Variants in SKP1 observed in about 807,000 individuals in gnomAD.
SKP1 encodes S-phase kinase-associated protein 1.
In SKP1, 1 loss-of-function variant was observed where a neutral mutation model predicts 21.5. The ratio of observed to expected loss-of-function variants is 0.05; its 90% confidence interval spans 0.02 to 0.22. SKP1 has a LOEUF of 0.22. Among genes scored for constraint, SKP1 ranks in the 10% least tolerant of loss-of-function variants. The pLI, the probability that SKP1 is intolerant of heterozygous loss-of-function variation, is 1.00. For missense variants in SKP1, 70 were observed against 192.0 expected (o/e 0.36, Z 3.76); for synonymous variants, 59 against 59.3 (o/e 0.99, Z 0.03).
In SKP1 at chr5:134,150,794, G is replaced by A. The variant is rs983748679; in HGVS notation, c.*6939C>T. 1 of 152,100 alleles carries A rather than the reference G, an allele frequency of 6.6e-6. No individual in the cohort carries two copies. Among genetic ancestry groups the A allele is most frequent in the Non-Finnish European group, 1.5e-5 (1 of 68,026 alleles). The allele number at this position is 152,100 out of a possible 1,614,324, so 9.4% of individuals were successfully genotyped here. ...GGGCATCTTTCAAATTCTGACTCCT[G>A]AGCTCTTCTCTAATAGTTTGGAGCT... On this transcript the variant is annotated 3_prime_UTR_variant, in exon 6 of 6. Transcript: ENST00000353411.
At chr5:134,172,807 T>TC (rs1156939147) in intron 2 of SKP1, among the ~76,000 whole-genome samples, 1 of 151,422 alleles carries the variant, frequency 6.6e-6, no homozygotes, top group Non-Finnish European at 1.5e-5. Flanking sequence ...GGTCAGAAGA[T>TC]CGAGACCAGC....
intron 2 of SKP1, among the ~76,000 whole-genome samples, chr5:134,168,791 A>G (rs1309431981): frequency 6.6e-6 from 1 of 152,106 alleles, no homozygotes; most frequent in Non-Finnish European, 1.5e-5. Flanking sequence ...GTTGCCACCA[A>G]TTGGTAAGGG....
rs116784199 is a variant in SKP1, at chr5:134,157,556, C to T, written c.*177G>A. On this transcript the variant is annotated 3_prime_UTR_variant, in exon 6 of 6. Transcript: ENST00000353411. ...TCCATCATACTAGAAGAAACTTGGC[C>T]GTAAGGTTTGGGATCTGTGCTCAAA... 1.8e-3 allele frequency: 1,089 copies of T among 600,718 alleles called. 12 individuals carry two copies. Among genetic ancestry groups the T allele is most frequent in the African/African-American group, 0.018 (952 of 53,752 alleles). 37.2% of individuals were successfully genotyped at this position (600,718 alleles called of 1,614,324 possible).
chr5:134,168,871 T>G (rs1761385181), intron 2 of SKP1, among the ~76,000 whole-genome samples: 1 of 152,014 alleles, frequency 6.6e-6, no homozygotes, highest in Non-Finnish European at 1.5e-5. Context: ...TGTAAAATAC[T>G]AGATATCCAA....
chr5:134,173,717 T>C (rs895660681), intron 2 of SKP1: 22 of 655,926 alleles, frequency 3.4e-5, no homozygotes, highest in Non-Finnish European at 5.7e-5. Context: ...ATTTTATCCA[T>C]TTAATGAGAG....
rs1437280084 is a variant in SKP1 at position 134,151,955 on chromosome 5, G to C, written c.*5778C>G. The C allele has an allele frequency of 7.3e-6, 2 of 274,296 alleles. No homozygotes were observed. The highest frequency in any genetic ancestry group is 1.5e-5 in the Non-Finnish European group (2 of 133,380). The allele number at this position is 274,296 out of a possible 1,614,324, so 17.0% of individuals were successfully genotyped here. A position where few individuals can be genotyped will look rare whatever the true frequency, so the allele number is the denominator to read the frequency against. ...GCCTCAGCAGAAAGGATAACATTCA[G>C]CCAATCCTGCTTAGGTGTCCAAATG... On this transcript the variant is annotated 3_prime_UTR_variant, in exon 6 of 6. Coordinates refer to ENST00000353411, the MANE Select transcript of SKP1 (RefSeq NM_170679.3).
intron 3 of SKP1, chr5:134,161,363 C>T (rs1761215356): frequency 2.8e-6 from 1 of 361,980 alleles, no homozygotes; most frequent in Non-Finnish European, 4.9e-6. Context: ...TACTTGACTA[C>T]ATTAAAAAGC....
chr5:134,166,545 C>CCCT (rs937571576), intron 3 of SKP1, among the ~76,000 whole-genome samples: 1 of 145,512 alleles, frequency 6.9e-6, no homozygotes, highest in Non-Finnish European at 1.5e-5. Context: ...CATACCACTA[C>CCCT]CCTCCAACCT....
chr5:134,161,211 T>C (rs1449939650), intron 3 of SKP1, 81 bp from the exon 4 acceptor site: 5 of 1,257,532 alleles, frequency 4.0e-6, no homozygotes, highest in Middle Eastern at 2.1e-4. Context: ...TATCCCTATA[T>C]TGGAATAATA....
At chr5:134,159,219 C>T (rs1471662378) in intron 4 of SKP1, among the ~76,000 whole-genome samples, 1 of 152,156 alleles carries the variant, frequency 6.6e-6, no homozygotes, top group African/African-American at 2.4e-5. Context: ...GTTTTACTTC[C>T]ACTCAGCTCA....
chr5:134,171,246 G>C (rs1761435068), intron 2 of SKP1, among the ~76,000 whole-genome samples: 1 of 152,186 alleles, frequency 6.6e-6, no homozygotes, highest in South Asian at 2.1e-4. Flanking sequence ...CTAAGTATCT[G>C]CTGCTAGAAG....
At chr5:134,166,737 G>C (rs570156008) in intron 3 of SKP1, among the ~76,000 whole-genome samples, 1 of 152,236 alleles carries the variant, frequency 6.6e-6, no homozygotes, top group South Asian at 2.1e-4. Flanking sequence ...ATATTCCTTT[G>C]ACTTTAGCCG....
At position 134,155,011 on chromosome 5, in the gene SKP1, T is replaced by G. The variant is rs1761101057; in HGVS notation, c.*2722A>C. ...GTTACTTATACTGAAATTCATGGAG[T>G]AGTGCTGCTAAATACAAGTTAAATC... is the stretch of plus-strand genomic sequence containing the variant. On this transcript the variant is annotated 3_prime_UTR_variant, in exon 6 of 6. Transcript: ENST00000353411. The G allele has an allele frequency of 1.3e-5, 2 of 152,186 alleles. No homozygotes were observed. The highest frequency in any genetic ancestry group is 1.3e-4 in the Admixed American group (2 of 15,276). 9.4% of individuals were successfully genotyped at this position (152,186 alleles called of 1,614,324 possible).
rs773587296 is a variant in SKP1 at position 134,174,351 on chromosome 5, C to CAG, written c.1-330_1-329insCT. ...TCGTCTCCCACTGAATACTGGACTCCATCTGAACAGTTAACTGCCACAATT... is the reference window on the plus strand; with the variant it reads ...TCGTCTCCCACTGAATACTGGACTCCAGATCTGAACAGTTAACTGCCACAATT... On this transcript the variant is annotated intron_variant, in intron 1 of 5. Transcript: ENST00000353411. 1.7e-3 allele frequency: 442 copies of CAG among 265,610 alleles called. 1 individual carries two copies. The highest frequency in any genetic ancestry group is 2.4e-3 in the Non-Finnish European group (369 of 154,012). The allele number at this position is 265,610 out of a possible 1,614,324, so 16.5% of individuals were successfully genotyped here.
In SKP1 at chr5:134,167,091, T is replaced by C. The variant is rs978880193; in HGVS notation, c.171+79A>G. The C allele has an allele frequency of 3.3e-4, 233 of 716,252 alleles. 1 individual carries two copies. Among genetic ancestry groups the C allele is most frequent in the African/African-American group, 9.6e-4 (53 of 55,336 alleles). 44.4% of individuals were successfully genotyped at this position (716,252 alleles called of 1,614,324 possible). On this transcript the variant is annotated intron_variant, in intron 3 of 5. Transcript: ENST00000353411. The stretch of plus-strand genomic sequence containing the variant: ...AGCAGTAAATTATAAAATTCTAACA[T>C]AGATTGTTGAATTACTTGTATTAAT...
Position 134,152,079 on chromosome 5 carries a change from C to T in SKP1, c.*5654G>A, listed in dbSNP as rs1029735344. 6.5e-6 allele frequency: 1 copy of T among 153,522 alleles called. No individual in the cohort carries two copies. The highest frequency in any genetic ancestry group is 6.5e-5 in the Admixed American group (1 of 15,386). The allele number at this position is 153,522 out of a possible 1,614,324, so 9.5% of individuals were successfully genotyped here. On this transcript the variant is annotated 3_prime_UTR_variant, in exon 6 of 6. Coordinates refer to ENST00000353411, the MANE Select transcript of SKP1 (RefSeq NM_170679.3). ...TTCTCTTACTCATTCTCTGTGACCA[C>T]TGGAGGTAGTGATTTTTAACAACAG...
intron 4 of SKP1, among the ~76,000 whole-genome samples, chr5:134,158,870 C>T (rs926991523): frequency 3.9e-5 from 6 of 152,196 alleles, no homozygotes; most frequent in Non-Finnish European, 4.4e-5. Context: ...TGTGTGTACA[C>T]ATGCACACAA....
intron 3 of SKP1, 26 bp downstream of exon 3, chr5:134,167,144 A>G: frequency 7.9e-7 from 1 of 1,270,742 alleles, no homozygotes; most frequent in Non-Finnish European, 1.1e-6. Context: ...TAAGCAGAAT[A>G]AACTTAAACT....
Position 134,151,900 on chromosome 5 carries a change from C to T in SKP1, c.*5833G>A, listed in dbSNP as rs1761049907. Reference sequence around the variant, plus strand: ...CAAGAGCACCTTCGACAACACTTTTCGGCCACCACTAATGATCATCTCCAC... The same window carrying T: ...CAAGAGCACCTTCGACAACACTTTTTGGCCACCACTAATGATCATCTCCAC... On this transcript the variant is annotated 3_prime_UTR_variant, in exon 6 of 6. Transcript: ENST00000353411. 2 of 314,362 alleles carry T rather than the reference C, an allele frequency of 6.4e-6. No homozygotes were observed. Among genetic ancestry groups the T allele is most frequent in the Admixed American group, 3.9e-5 (1 of 25,346 alleles). 19.5% of individuals were successfully genotyped at this position (314,362 alleles called of 1,614,324 possible). A position where few individuals can be genotyped will look rare whatever the true frequency, so the allele number is the denominator to read the frequency against.
Sources: allele counts gnomAD v4.1 joint callset (sites outside exome capture counted in the v4.1 genomes callset), GRCh38; gene constraint gnomAD v4.1.1; transcripts MANE v1.5; gene names NCBI Gene and HGNC (gene_info 2026-07-23, HGNC 2026-07-21).